The following SNX13 variants were observed in gnomAD, a reference collection of about 807,000 sequenced individuals.
SNX13 encodes the protein sorting nexin 13.
Under a neutral mutation model 133.6 loss-of-function variants are expected in SNX13, and 45 were observed. The ratio of observed to expected loss-of-function variants is 0.34; its 90% confidence interval spans 0.27 to 0.43. SNX13 has a LOEUF of 0.43. Ranked by LOEUF, SNX13 falls within the 20% of genes least tolerant of loss-of-function variation. The pLI is 1.00. For missense variants in SNX13, 1,032 were observed against 1,145.1 expected, an observed-to-expected ratio of 0.90 and a Z score of 1.43; for synonymous variants, 414 against 373.9, an observed-to-expected ratio of 1.11 and a Z score of -1.24.
chr7:17,916,153 A>G (rs1799538402), intron 1 of SNX13, among the ~76,000 whole-genome samples: 3 of 151,978 alleles, frequency 2.0e-5, no homozygotes, highest in Non-Finnish European at 4.4e-5. Context: ...CACAGTGTTA[A>G]GAGGACTAGA....
At chr7:17,874,553 C>T (rs1386242530) in intron 7 of SNX13, among the ~76,000 whole-genome samples, 3 of 151,836 alleles carry the variant, frequency 2.0e-5, no homozygotes, top group Admixed American at 6.6e-5. Context: ...ATACAATAAA[C>T]ATAAAAAGAA....
intron 1 of SNX13, among the ~76,000 whole-genome samples, chr7:17,924,681 C>T (rs915860389): frequency 2.0e-5 from 3 of 152,140 alleles, no homozygotes; most frequent in African/African-American, 7.2e-5. Context: ...ATGTTCACAG[C>T]AGCATTATTT....
intron 1 of SNX13, among the ~76,000 whole-genome samples, chr7:17,915,278 TA>T (rs1479040380): frequency 2.0e-5 from 3 of 152,160 alleles, no homozygotes; most frequent in African/African-American, 7.2e-5. Flanking sequence ...AGCTGACCCT[TA>T]CCCTGAATAC....
chr7:17,871,670 T>C (rs936154005), intron 8 of SNX13, among the ~76,000 whole-genome samples: 2 of 152,152 alleles, frequency 1.3e-5, no homozygotes, highest in African/African-American at 4.8e-5. Context: ...TTTTAGTAAT[T>C]TTCCATCCAC....
intron 5 of SNX13, among the ~76,000 whole-genome samples, chr7:17,886,546 T>C (rs975415052): frequency 2.0e-5 from 3 of 151,664 alleles, no homozygotes; most frequent in African/African-American, 4.9e-5. Flanking sequence ...CCACCGATCA[T>C]GCCACTGCAC....
At chr7:17,876,851 G>A (rs529282756) in intron 5 of SNX13, among the ~76,000 whole-genome samples, 2 of 151,930 alleles carry the variant, frequency 1.3e-5, no homozygotes, top group East Asian at 1.9e-4. Context: ...TTAATATAAT[G>A]TTCTTTTTCA....
At chr7:17,924,655 T>C (rs1251481004) in intron 1 of SNX13, among the ~76,000 whole-genome samples, 2 of 152,176 alleles carry the variant, frequency 1.3e-5, no homozygotes, top group African/African-American at 4.8e-5. Context: ...AAAAACACTG[T>C]GGAAACACAA....
intron 18 of SNX13, 93 bp from the exon 19 acceptor site, chr7:17,816,382 C>T: frequency 2.8e-6 from 4 of 1,413,822 alleles, no homozygotes; most frequent in South Asian, 1.3e-5. Context: ...CATCTTCAGG[C>T]CAGGTGCGGT....
chr7:17,927,227 G>C (rs1391961932), intron 1 of SNX13, among the ~76,000 whole-genome samples: 1 of 149,674 alleles, frequency 6.7e-6, no homozygotes, highest in Non-Finnish European at 1.5e-5. Flanking sequence ...ATGTGTGCAT[G>C]TGTGTATATA....
intron 5 of SNX13, 182 bp downstream of exon 5, chr7:17,890,181 A>C: frequency 2.2e-6 from 1 of 453,736 alleles, no homozygotes; most frequent in Non-Finnish European, 3.7e-6. Context: ...AAAACCTAAA[A>C]TCTGGGGTAA....
At chr7:17,870,088 A>G (rs569955274) in intron 8 of SNX13, among the ~76,000 whole-genome samples, 2 of 152,180 alleles carry the variant, frequency 1.3e-5, no homozygotes, top group African/African-American at 2.4e-5. Flanking sequence ...TGAGAGCTCT[A>G]AATATTCCAA....
At chr7:17,925,937 A>C (rs1298038341) in intron 1 of SNX13, among the ~76,000 whole-genome samples, 1 of 152,234 alleles carries the variant, frequency 6.6e-6, no homozygotes, top group Non-Finnish European at 1.5e-5. Context: ...CAAGTATTAG[A>C]TTATAATTGG....
intron 5 of SNX13, among the ~76,000 whole-genome samples, chr7:17,885,297 C>CAAA (rs369504773): frequency 2.2e-4 from 27 of 121,016 alleles, no homozygotes; most frequent in Admixed American, 1.1e-3. Context: ...TCCATAGAGA[C>CAAA]AAAAAAAAAA....
chr7:17,860,143 A>G (rs1792473394), intron 9 of SNX13, among the ~76,000 whole-genome samples: 1 of 152,136 alleles, frequency 6.6e-6, no homozygotes, highest in Non-Finnish European at 1.5e-5. Flanking sequence ...CATCCTCGCC[A>G]ATACCTGATA....
intron 2 of SNX13, 125 bp downstream of exon 2, chr7:17,897,209 T>C (rs1583672515): frequency 2.1e-6 from 1 of 470,536 alleles, no homozygotes. Context: ...TTTTTTAACT[T>C]TAGTAAAAGC....
intron 9 of SNX13, among the ~76,000 whole-genome samples, chr7:17,858,470 A>C (rs1234739159): frequency 6.6e-6 from 1 of 152,032 alleles, no homozygotes; most frequent in Admixed American, 6.5e-5. Flanking sequence ...AAAATTACAA[A>C]ACAATGCTGA....
intron 12 of SNX13, among the ~76,000 whole-genome samples, chr7:17,843,186 C>G (rs1790108757): frequency 6.6e-6 from 1 of 151,760 alleles, no homozygotes; most frequent in Non-Finnish European, 1.5e-5. Flanking sequence ...ATACTGTCTA[C>G]AAAGACTTTA....
chr7:17,845,588 T>TCAG lies in SNX13; in HGVS notation c.1165+6_1165+7insCTG. 1 of 1,543,338 alleles carries TCAG rather than the reference T, an allele frequency of 6.5e-7. No individual in the cohort carries two copies. On this transcript the variant is annotated splice_region_variant and intron_variant, in intron 12 of 25. Transcript: ENST00000428135. ...CTGTATCATTTAAATAGAATTGATC[T>TCAG]ACCTACCCATAAAAAATTGTAGTGC... is the stretch of plus-strand genomic sequence containing the variant.
intron 13 of SNX13, among the ~76,000 whole-genome samples, chr7:17,837,591 G>A (rs1789293168): frequency 6.6e-6 from 1 of 151,998 alleles, no homozygotes; most frequent in African/African-American, 2.4e-5. Flanking sequence ...TAGATCAACT[G>A]TTTGTCAATC....
Sources: gnomAD v4.1 joint callset for allele counts (sites outside exome capture counted in the v4.1 genomes callset) on GRCh38, gnomAD v4.1.1 for gene constraint, MANE v1.5 for transcripts, NCBI Gene and HGNC (gene_info 2026-07-23, HGNC 2026-07-21) for gene names.